TRMT5: variants seen among roughly 807,000 people sequenced by gnomAD.
The protein encoded by TRMT5 is tRNA methyltransferase 5, also known as tRNA (guanine(37)-N(1))-methyltransferase.
TRMT5 carries 31 observed loss-of-function variants against 42.2 expected under a neutral mutation model. The ratio of observed to expected loss-of-function variants is 0.73; its 90% CI spans 0.55 to 0.99. TRMT5 has a LOEUF of 0.99. TRMT5 is among the 50% of genes least tolerant of loss of function. The probability of loss-of-function intolerance (pLI) is 0.00; values close to 1 mark genes in which losing one functional copy is unlikely to be tolerated. For missense variants in TRMT5, 568 were observed against 595.0 expected, an observed-to-expected ratio of 0.95 and a Z score of 0.47; for synonymous variants, 198 against 209.6, an observed-to-expected ratio of 0.94 and a Z score of 0.48.
At chr14:60,979,990 T>G in intron 1 of TRMT5, 104 bp from the exon 2 acceptor site, 2 of 1,250,066 alleles carry the variant, frequency 1.6e-6, no homozygotes, top group Non-Finnish European at 2.2e-6. Context: ...ATAAAACGTT[T>G]AGTGATGTGT....
chr14:60,981,627 C>T, upstream of TRMT5: 4 of 1,457,048 alleles, frequency 2.7e-6, no homozygotes, highest in African/African-American at 1.4e-5. Flanking sequence ...AGAGATGCAG[C>T]GTTGAGTGGA....
In TRMT5 at chr14:60,977,503, AT is replaced by A. The variant is rs1566590297; in HGVS notation, c.792+10del. On this transcript the variant is annotated intron_variant, in intron 3 of 4. Coordinates refer to ENST00000261249, the MANE Select transcript of TRMT5 (RefSeq NM_020810.3). ...TTGATATACACCTTACTTGGAGATA[AT>A]AAAATATACCTTTGTCATCATGTTC... The A allele has an allele frequency of 6.3e-7, 1 of 1,596,150 alleles. No individual in the cohort carries two copies.
At chr14:60,981,458 A>G (rs1472363073), upstream of TRMT5, 7 of 1,544,140 alleles carry the variant, frequency 4.5e-6, no homozygotes, top group Non-Finnish European at 6.1e-6. Context: ...AAGACCCAGA[A>G]AAGGAGGACC....
At chr14:60,981,252 G>T, upstream of TRMT5, 1 of 1,579,076 alleles carries the variant, frequency 6.3e-7, no homozygotes, top group Non-Finnish European at 8.6e-7. Flanking sequence ...CTCGTAGATG[G>T]AACTGGTAGT....
intron 1 of TRMT5, 87 bp from the exon 2 acceptor site, chr14:60,979,973 C>T: frequency 1.4e-6 from 2 of 1,385,700 alleles, no homozygotes; most frequent in South Asian, 3.0e-5. Flanking sequence ...GGGCTAAATG[C>T]TGACAAATAA....
upstream of TRMT5, chr14:60,981,490 T>A: frequency 6.5e-7 from 1 of 1,536,918 alleles, no homozygotes; most frequent in Non-Finnish European, 8.7e-7. Context: ...GGGGAGATGC[T>A]GGAGCCTGAA....
intron 2 of TRMT5, among the ~76,000 whole-genome samples, 199 bp from the exon 3 acceptor site, chr14:60,977,837 A>G (rs755795308): frequency 6.6e-6 from 1 of 152,226 alleles, no homozygotes; most frequent in African/African-American, 2.4e-5. Flanking sequence ...ATGCACACAC[A>G]AAATGTTGGG....
At chr14:60,981,527 C>T (rs1337382137), upstream of TRMT5, 2 of 1,532,456 alleles carry the variant, frequency 1.3e-6, no homozygotes, top group Non-Finnish European at 1.7e-6. Context: ...CTGAAGGCAG[C>T]CGCCGAGATT....
upstream of TRMT5, chr14:60,981,414 A>G (rs549280102): frequency 1.3e-6 from 2 of 1,558,926 alleles, no homozygotes; most frequent in Admixed American, 3.9e-5. Flanking sequence ...CCCCGCGCTG[A>G]CGCCCTCCGG....
In TRMT5 at chr14:60,975,847, C is replaced by CT. The variant is rs1369528174; in HGVS notation, c.1071dup (p.Asp358ArgfsTer40). 3 of 1,614,204 alleles carry CT rather than the reference C, an allele frequency of 1.9e-6. No homozygotes were observed. Among genetic ancestry groups the CT allele is most frequent in the Non-Finnish European group, 2.5e-6 (3 of 1,180,040 alleles). ...TCTTTGACTGGTCCTTGGAGGAAGT[C>CT]TTTCCCATCCAAGTTGAAGACTTTC... is the stretch of plus-strand genomic sequence containing the variant. On this transcript the variant is annotated frameshift_variant, in exon 4 of 5. Coordinates refer to ENST00000261249, the MANE Select transcript of TRMT5 (RefSeq NM_020810.3). LOFTEE classifies it high-confidence loss of function.
intron 3 of TRMT5, among the ~76,000 whole-genome samples, chr14:60,976,851 C>T (rs2036854754): frequency 6.6e-6 from 1 of 152,010 alleles, no homozygotes; most frequent in Admixed American, 6.6e-5. Context: ...TAGTAGACAC[C>T]TTAAAAAACA....
chr14:60,979,426 C>T lies in TRMT5; in HGVS notation c.472G>A (p.Val158Ile), dbSNP rs890182277. ...GGACTGACATTAAGCTGCTCTAAAA[C>T]ACTGAGTTCTGCTTTCTCAAAGGAA... ...HDSFEKAELS[V>I]LEQLNVSPQI... Residue 158 changes from valine (V) to isoleucine (I), a missense_variant, in exon 2 of 5, where the codon GTT becomes ATT. Coordinates refer to ENST00000261249, the MANE Select transcript of TRMT5 (RefSeq NM_020810.3). 1.9e-6 allele frequency: 3 copies of T among 1,614,144 alleles called. No individual in the cohort carries two copies. In the South Asian group the frequency reaches 3.3e-5, roughly 18 times the overall value.
chr14:60,976,640 C>A (rs182522207), intron 3 of TRMT5, among the ~76,000 whole-genome samples: 139 of 152,236 alleles, frequency 9.1e-4, no homozygotes, highest in African/African-American at 2.9e-3. Flanking sequence ...ATGTGTCACT[C>A]AATTTTGAGG....
rs780385665 is a variant in TRMT5, at chr14:60,976,168, C to T, written c.793-42G>A. On this transcript the variant is annotated intron_variant, in intron 3 of 4. Coordinates refer to ENST00000261249, the MANE Select transcript of TRMT5 (RefSeq NM_020810.3). Reference sequence around the variant, plus strand: ...TGCTTTTTGGTTAATTTCCTTGGTCCTAAATCCTAACCATTGATATTGGAT... The same window carrying T: ...TGCTTTTTGGTTAATTTCCTTGGTCTTAAATCCTAACCATTGATATTGGAT... 56 of 1,564,004 alleles carry T rather than the reference C, an allele frequency of 3.6e-5. No homozygotes were observed. In the South Asian group the frequency reaches 6.4e-4, roughly 18 times the overall value.
intron 3 of TRMT5, 46 bp downstream of exon 3, chr14:60,977,468 A>T (rs889209568): frequency 2.6e-6 from 4 of 1,551,030 alleles, no homozygotes; most frequent in Non-Finnish European, 3.5e-6. Context: ...TTCTGACTCT[A>T]AACATAATAT....
In TRMT5 at chr14:60,971,840, C is replaced by G. The variant is rs964822854; in HGVS notation, c.*3269G>C. The G allele has an allele frequency of 5.9e-6, 1 of 168,798 alleles. No homozygotes were observed. The highest frequency in any genetic ancestry group is 1.8e-4 in the East Asian group (1 of 5,482). The allele number at this position is 168,798 out of a possible 1,614,324, so 10.5% of individuals were successfully genotyped here. Reference sequence around the variant, plus strand: ...GCCAGACACACTGGTAACCAATGACCGGGGGTCAGGTCCCAACAGATGTCT... The same window carrying G: ...GCCAGACACACTGGTAACCAATGACGGGGGGTCAGGTCCCAACAGATGTCT... On this transcript the variant is annotated 3_prime_UTR_variant, in exon 5 of 5. Coordinates refer to ENST00000261249, the MANE Select transcript of TRMT5 (RefSeq NM_020810.3).
upstream of TRMT5, chr14:60,981,488 G>T: frequency 6.5e-7 from 1 of 1,537,260 alleles, no homozygotes. Flanking sequence ...CAGGGGAGAT[G>T]CTGGAGCCTG....
upstream of TRMT5, chr14:60,981,522 G>A: frequency 6.5e-7 from 1 of 1,533,544 alleles, no homozygotes; most frequent in Non-Finnish European, 8.7e-7. Context: ...GGGGTCTGAA[G>A]GCAGCCGCCG....
At position 60,972,350 on chromosome 14, in the gene TRMT5, G is replaced by C. The variant is rs1351898058; in HGVS notation, c.*2759C>G. 7 of 544,264 alleles carry C rather than the reference G, an allele frequency of 1.3e-5. No homozygotes were observed. The highest frequency in any genetic ancestry group is 2.6e-5 in the Non-Finnish European group (7 of 270,570). 33.7% of individuals were successfully genotyped at this position (544,264 alleles called of 1,614,324 possible). A position where few individuals can be genotyped will look rare whatever the true frequency, so the allele number is the denominator to read the frequency against. On this transcript the variant is annotated 3_prime_UTR_variant, in exon 5 of 5. Coordinates refer to ENST00000261249, the MANE Select transcript of TRMT5 (RefSeq NM_020810.3). The stretch of plus-strand genomic sequence containing the variant: ...TCTTTGCAGGGGCCTTTTTAGGCTT[G>C]GGCTCTGGCTTTGGAGGAGCAGGTT...
Sources: allele counts gnomAD v4.1 joint callset (sites outside exome capture counted in the v4.1 genomes callset), GRCh38; gene constraint gnomAD v4.1.1; transcripts MANE v1.5; gene names NCBI Gene and HGNC (gene_info 2026-07-23, HGNC 2026-07-21).